The following MYO6 variants were observed in gnomAD, a reference collection of about 807,000 sequenced individuals.
The protein encoded by MYO6 is unconventional myosin-VI.
A neutral mutation model predicts 178.7 loss-of-function variants in MYO6; 74 were observed. The ratio of observed to expected loss-of-function variants is 0.41; its 90% confidence interval spans 0.34 to 0.50. The LOEUF (loss-of-function observed/expected upper bound fraction) is 0.50, where lower values mean the gene tolerates loss of function less well. Ranked by LOEUF, MYO6 falls within the 20% of genes least tolerant of loss-of-function variation. The pLI is 0.09. For synonymous variants in MYO6, 477 were observed against 504.6 expected (o/e 0.95, Z 0.73); for missense variants, 1,330 against 1,547.4 (o/e 0.86, Z 2.36).
intron 11 of MYO6, among the ~76,000 whole-genome samples, chr6:75,850,178 C>T (rs1346953860): frequency 6.6e-6 from 1 of 152,042 alleles, no homozygotes; most frequent in Non-Finnish European, 1.5e-5. Flanking sequence ...TTCACAGCTT[C>T]CTGAGCCCCT....
intron 1 of MYO6, among the ~76,000 whole-genome samples, chr6:75,799,251 G>A (rs1196656094): frequency 1.3e-5 from 2 of 152,106 alleles, no homozygotes; most frequent in Non-Finnish European, 2.9e-5. Flanking sequence ...CTAGCCAGGT[G>A]TGGTGGCAGG....
At position 75,914,986 on chromosome 6, in the gene MYO6, G is replaced by A. The variant is rs768896299; in HGVS notation, c.3832G>A (p.Ala1278Thr). ...ACAGGCTCGGCCCACCTATGCAACA[G>A]CCATGCTGCAGAGTCTGTTAAAGTA... ...SRQARPTYATAMLQSLLK is the reference protein window; with the variant it reads ...SRQARPTYATTMLQSLLK The change falls in exon 35 of 35, where the codon GCC becomes ACC. Residue 1278 changes from alanine to threonine, a missense_variant. Transcript: ENST00000369977. 2 of 1,613,438 alleles carry A rather than the reference G, an allele frequency of 1.2e-6. No individual in the cohort carries two copies. Among genetic ancestry groups the A allele is most frequent in the Admixed American group, 3.3e-5 (2 of 59,972 alleles).
At chr6:75,796,889 C>T (rs1388946531) in intron 1 of MYO6, among the ~76,000 whole-genome samples, 1 of 152,088 alleles carries the variant, frequency 6.6e-6, no homozygotes, top group Non-Finnish European at 1.5e-5. Context: ...CCTCCAGCTG[C>T]CTCCATGTTG....
chr6:75,788,204 A>C (rs1767869365), intron 1 of MYO6, among the ~76,000 whole-genome samples: 1 of 151,880 alleles, frequency 6.6e-6, no homozygotes, highest in Non-Finnish European at 1.5e-5. Context: ...ATGGTGAAAA[A>C]ACACAAAAGA....
intron 20 of MYO6, among the ~76,000 whole-genome samples, chr6:75,875,957 C>T (rs754972288): frequency 1.8e-4 from 27 of 152,124 alleles, no homozygotes; most frequent in African/African-American, 3.4e-4. Context: ...GAGCCTGGCC[C>T]GTGTGTCCCT....
Position 75,835,918 on chromosome 6 carries a change from A to G in MYO6, c.515A>G (p.Tyr172Cys), listed in dbSNP as rs778903175. The change falls in exon 7 of 35, where the codon TAT (tyrosine) becomes TGT (cysteine). Residue 172 changes from tyrosine (Y) to cysteine (C), a missense_variant. By Grantham distance (194) the Tyr-to-Cys change is radical. Transcript: ENST00000369977. ...KFVLRYLTES[Y>C]GTGQDIDDRI... The stretch of plus-strand genomic sequence containing the variant: ...TTAAACAGATACCTGACTGAATCCT[A>G]TGGAACAGGTCAAGATATTGATGAC... The G allele has an allele frequency of 1.1e-5, 17 of 1,604,860 alleles. No homozygotes were observed. Among genetic ancestry groups the G allele is most frequent in the South Asian group, 2.2e-5 (2 of 90,912 alleles).
intron 3 of MYO6, among the ~76,000 whole-genome samples, chr6:75,828,076 A>C (rs144155356): frequency 6.6e-6 from 1 of 152,298 alleles, no homozygotes; most frequent in East Asian, 1.9e-4. Context: ...AGGAGTCTTC[A>C]TTATGTCAGT....
chr6:75,787,730 CTATATATATA>C (rs1172801367), intron 1 of MYO6, among the ~76,000 whole-genome samples: 38 of 11,650 alleles, frequency 3.3e-3, no homozygotes, highest in East Asian at 8.8e-3. Flanking sequence ...CTCTCTCTCT[CTATATATATA>C]TATATATATA....
intron 1 of MYO6, among the ~76,000 whole-genome samples, chr6:75,802,047 A>G (rs1479672163): frequency 1.3e-5 from 2 of 152,244 alleles, no homozygotes; most frequent in African/African-American, 4.8e-5. Context: ...TTGATTCAAG[A>G]AATGAAAAAT....
chr6:75,884,201 A>G (rs1020970158), intron 23 of MYO6, among the ~76,000 whole-genome samples: 2 of 152,192 alleles, frequency 1.3e-5, no homozygotes, highest in East Asian at 1.9e-4. Context: ...CTCTGAAAAA[A>G]AAGTTCAAGG....
rs1057523846 is a variant in MYO6 at position 75,844,896 on chromosome 6, G to A, written c.817-1G>A. 1 of 1,608,360 alleles carries A rather than the reference G, an allele frequency of 6.2e-7. No homozygotes were observed. The highest frequency in any genetic ancestry group is 1.1e-5 in the South Asian group (1 of 90,902). On this transcript the variant is annotated splice_acceptor_variant, in intron 9 of 34. Coordinates refer to ENST00000369977, the MANE Select transcript of MYO6 (RefSeq NM_004999.4). LOFTEE classifies it high-confidence loss of function. ...ATTATGTTTAATTTGTTTTGTCATA[G>A]TATTTAAACCGAGGCTGCACTAGAT...
chr6:75,884,130 T>C (rs1778246361), intron 23 of MYO6, among the ~76,000 whole-genome samples: 1 of 152,200 alleles, frequency 6.6e-6, no homozygotes. Context: ...GTGGACTGTG[T>C]TCTACAGTGG....
intron 1 of MYO6, among the ~76,000 whole-genome samples, chr6:75,803,045 A>G (rs1220327084): frequency 6.6e-6 from 1 of 152,204 alleles, no homozygotes; most frequent in Non-Finnish European, 1.5e-5. Context: ...ACGATTGCAT[A>G]TATTATATGA....
At chr6:75,909,272 T>G (rs6903002) in intron 32 of MYO6, among the ~76,000 whole-genome samples, 8 of 152,206 alleles carry the variant, frequency 5.3e-5, no homozygotes, top group African/African-American at 1.9e-4. Flanking sequence ...TCTTTTTTAT[T>G]TGTAGGTATA....
chr6:75,811,119 A>G (rs1583159846), intron 1 of MYO6, among the ~76,000 whole-genome samples: 1 of 130,284 alleles, frequency 7.7e-6, no homozygotes. Context: ...GGTGGTGGGG[A>G]TTGGGGTAGG....
chr6:75,840,092 C>T (rs910004562), intron 7 of MYO6, among the ~76,000 whole-genome samples: 2 of 151,222 alleles, frequency 1.3e-5, no homozygotes, highest in Non-Finnish European at 2.9e-5. Flanking sequence ...TGAATAGTGC[C>T]TGAGCATAGT....
intron 30 of MYO6, among the ~76,000 whole-genome samples, chr6:75,902,462 A>G (rs1329951717): frequency 6.6e-6 from 1 of 152,148 alleles, no homozygotes; most frequent in Non-Finnish European, 1.5e-5. Context: ...GGGAGAGTGT[A>G]TGTGTTGAGG....
intron 11 of MYO6, among the ~76,000 whole-genome samples, chr6:75,853,488 T>G (rs1775460014): frequency 6.6e-6 from 1 of 152,204 alleles, no homozygotes; most frequent in Non-Finnish European, 1.5e-5. Context: ...AGTCTTTGAT[T>G]CCATTTTGAG....
At chr6:75,876,631 G>T (rs1252331360) in intron 20 of MYO6, among the ~76,000 whole-genome samples, 1 of 152,158 alleles carries the variant, frequency 6.6e-6, no homozygotes, top group Non-Finnish European at 1.5e-5. Context: ...AGTGGAGAGG[G>T]TATAGGCTAC....
Sources: allele counts gnomAD v4.1 joint callset (sites outside exome capture counted in the v4.1 genomes callset), GRCh38; gene constraint gnomAD v4.1.1; transcripts MANE v1.5; gene names NCBI Gene and HGNC (gene_info 2026-07-23, HGNC 2026-07-21).